Variants in POC1B observed in about 807,000 individuals in gnomAD.
POC1B encodes the protein POC1 centriolar protein homolog B.
POC1B carries 44 observed loss-of-function variants against 60.6 expected under a neutral mutation model. That is an observed-to-expected ratio of 0.73 (90% CI 0.57 to 0.93). The LOEUF is 0.93. POC1B is among the 40% of genes least tolerant of loss of function. The pLI, the probability that POC1B is intolerant of heterozygous loss-of-function variation, is 0.00. For synonymous variants in POC1B, 180 were observed against 198.9 expected, an observed-to-expected ratio of 0.90 and a Z score of 0.80; for missense variants, 555 against 572.3, an observed-to-expected ratio of 0.97 and a Z score of 0.31.
At position 89,525,916 on chromosome 12, in the gene POC1B, G is replaced by T; in HGVS notation, c.-21C>A. 1.3e-6 allele frequency: 2 copies of T among 1,516,044 alleles called. No homozygotes were observed. The highest frequency in any genetic ancestry group is 2.8e-5 in the African/African-American group (2 of 72,378). 93.9% of individuals were successfully genotyped at this position (1,516,044 alleles called of 1,614,324 possible). A position where few individuals can be genotyped will look rare whatever the true frequency, so the allele number is the denominator to read the frequency against. ...GCCATCGGGGGAGTGGTCGGCCCAA[G>T]GCTCCTGTGGGTGGGGGAACCCGGA... On this transcript the variant is annotated 5_prime_UTR_variant, in exon 1 of 12. Coordinates refer to ENST00000313546, the MANE Select transcript of POC1B (RefSeq NM_172240.3).
chr12:89,499,609 T>TA (rs1869442926), intron 2 of POC1B, among the ~76,000 whole-genome samples: 1 of 145,916 alleles, frequency 6.9e-6, no homozygotes, highest in Non-Finnish European at 1.5e-5. Flanking sequence ...ACTTTGACAA[T>TA]AAGGAAAGGA....
chr12:89,522,644 G>A (rs1440053908), intron 2 of POC1B: 12 of 703,560 alleles, frequency 1.7e-5, no homozygotes, highest in African/African-American at 3.7e-5. Context: ...AGCACTCTGG[G>A]TACCCAGTTT....
intron 7 of POC1B, 27 bp downstream of exon 7, chr12:89,470,334 A>C: frequency 7.9e-7 from 1 of 1,265,502 alleles, no homozygotes; most frequent in Non-Finnish European, 1.0e-6. Context: ...TTTTATATAT[A>C]AAAAGCAAGA....
chr12:89,454,857 G>A (rs1411238803), intron 10 of POC1B, among the ~76,000 whole-genome samples: 1 of 152,150 alleles, frequency 6.6e-6, no homozygotes, highest in Non-Finnish European at 1.5e-5. Flanking sequence ...ATTCTCTAAA[G>A]CCAAGAATAG....
chr12:89,507,965 AAT>A (rs1252506373), intron 2 of POC1B, among the ~76,000 whole-genome samples: 1 of 152,212 alleles, frequency 6.6e-6, no homozygotes, highest in Non-Finnish European at 1.5e-5. Flanking sequence ...TTCAGTTGGT[AAT>A]ATGTGTACCT....
intron 2 of POC1B, chr12:89,519,662 T>G (rs1177001462): frequency 2.0e-5 from 3 of 152,558 alleles, no homozygotes; most frequent in African/African-American, 7.2e-5. Context: ...CTATACAACT[T>G]AAAAATAAGC....
intron 9 of POC1B, among the ~76,000 whole-genome samples, chr12:89,465,733 G>T (rs868212186): frequency 3.9e-5 from 6 of 152,116 alleles, no homozygotes; most frequent in Admixed American, 1.3e-4. Flanking sequence ...ATTGTCAGAA[G>T]TTGGAAAAGA....
Position 89,437,194 on chromosome 12 carries a change from C to T in POC1B, c.1114-11815G>A, listed in dbSNP as rs139473929. On this transcript the variant is annotated intron_variant, in intron 10 of 11. Transcript: ENST00000313546. ...TAATCCTCCATGCCTCTAGTTTTAT[C>T]TCCCTCCAACCCCTCCTTTTTCACA... is the stretch of plus-strand genomic sequence containing the variant. Among the ~76,000 whole-genome samples the T allele has an allele frequency of 4.6e-5, 7 of 152,262 alleles. No homozygotes were observed. The East Asian group carries it at 1.2e-3, about 25-fold the overall frequency.
rs967208353 is a variant in POC1B at position 89,519,449 on chromosome 12, C to T, written c.100+5671G>A. 2.0e-5 allele frequency: 3 copies of T among 152,224 alleles called. No individual in the cohort carries two copies. In the East Asian group the frequency reaches 5.8e-4, roughly 29 times the overall value. The allele number at this position is 152,224 out of a possible 1,614,324, so 9.4% of individuals were successfully genotyped here. ...ATCAGGCACACTTTTTATTTTACAT[C>T]TTAATCAACATTACAAATACAAAAG... On this transcript the variant is annotated intron_variant, in intron 2 of 11. Transcript: ENST00000313546.
chr12:89,446,871 G>C (rs562829855), intron 10 of POC1B, among the ~76,000 whole-genome samples: 69 of 152,234 alleles, frequency 4.5e-4, no homozygotes, highest in African/African-American at 1.6e-3. Flanking sequence ...CATATGACAG[G>C]CAGAAGCAAT....
At chr12:89,500,082 G>A (rs891211009) in intron 2 of POC1B, 14 of 1,359,168 alleles carry the variant, frequency 1.0e-5, no homozygotes, top group Middle Eastern at 2.1e-4. Flanking sequence ...CTGGCTCAGC[G>A]GGGCCGGAAC....
intron 10 of POC1B, chr12:89,428,250 C>T (rs1395143411): frequency 2.0e-5 from 3 of 152,304 alleles, no homozygotes; most frequent in East Asian, 1.9e-4. Context: ...CCTGCAATGG[C>T]TTTCTCTGCC....
At chr12:89,406,556 G>T in the POC1B span, among the ~76,000 whole-genome samples, 1 of 152,070 alleles carries the variant, frequency 6.6e-6, no homozygotes. Context: ...GGTGCTTGTT[G>T]TCTGCGTTCT....
intron 10 of POC1B, among the ~76,000 whole-genome samples, chr12:89,447,180 CA>C (rs1445508729): frequency 6.6e-6 from 1 of 152,030 alleles, no homozygotes; most frequent in Middle Eastern, 3.2e-3. Flanking sequence ...TTATTTTTCT[CA>C]ATTGTAACTA....
intron 10 of POC1B, among the ~76,000 whole-genome samples, chr12:89,456,294 T>C (rs562535246): frequency 6.6e-6 from 1 of 152,330 alleles, no homozygotes; most frequent in South Asian, 2.1e-4. Flanking sequence ...GTGCTAGGAT[T>C]ACAGGTGTGA....
chr12:89,433,372 G>T (rs1289865898), intron 10 of POC1B, among the ~76,000 whole-genome samples: 1 of 152,222 alleles, frequency 6.6e-6, no homozygotes, highest in East Asian at 1.9e-4. Context: ...TGGATAGACA[G>T]TGGCTGAGTG....
intron 10 of POC1B, among the ~76,000 whole-genome samples, chr12:89,449,477 T>C (rs1041242385): frequency 1.3e-5 from 2 of 152,084 alleles, no homozygotes; most frequent in Non-Finnish European, 2.9e-5. Flanking sequence ...AAGAAATACA[T>C]ACAATTTTAT....
At chr12:89,421,563 C>G (rs1050511587) in intron 11 of POC1B, among the ~76,000 whole-genome samples, 1 of 152,180 alleles carries the variant, frequency 6.6e-6, no homozygotes, top group Non-Finnish European at 1.5e-5. Context: ...AGGGAAGAGG[C>G]CACACAGCGT....
intron 4 of POC1B, among the ~76,000 whole-genome samples, chr12:89,484,800 A>G (rs752793858): frequency 1.3e-5 from 2 of 152,234 alleles, no homozygotes; most frequent in Non-Finnish European, 2.9e-5. Flanking sequence ...ACAAGCAAAG[A>G]GCAAGAGCTG....
Sources: gnomAD v4.1 joint callset for allele counts (sites outside exome capture counted in the v4.1 genomes callset) on GRCh38, gnomAD v4.1.1 for gene constraint, MANE v1.5 for transcripts, NCBI Gene and HGNC (gene_info 2026-07-23, HGNC 2026-07-21) for gene names.